The following KLF15 variants were observed in gnomAD, a reference collection of about 807,000 sequenced individuals.
KLF15 encodes the protein Krueppel-like factor 15.
In KLF15, 4 loss-of-function variants were observed where a neutral mutation model predicts 24.6. The observed-to-expected ratio is 0.16, with a 90% CI of 0.08 to 0.37. The LOEUF is 0.37. Ranked by LOEUF, KLF15 falls within the 10% of genes least tolerant of loss-of-function variation. KLF15 has a pLI of 1.00. For synonymous variants in KLF15, 246 were observed against 236.3 expected (o/e 1.04, Z -0.37); for missense variants, 496 against 560.6 (o/e 0.88, Z 1.16).
the KLF15 span, chr3:126,288,899 C>T: frequency 1.3e-5 from 2 of 152,142 alleles, no homozygotes; most frequent in East Asian, 1.9e-4. Flanking sequence ...AAAATCGCAA[C>T]AGGATGTTGA....
At chr3:126,291,932 C>T in the KLF15 span, among the ~76,000 whole-genome samples, 1 of 152,226 alleles carries the variant, frequency 6.6e-6, no homozygotes, top group African/African-American at 2.4e-5. Flanking sequence ...TCCCCGAGTA[C>T]CCACTCAACA....
chr3:126,343,545 G>A lies in KLF15; in HGVS notation c.*182C>T. The A allele has an allele frequency of 1.6e-6, 1 of 607,588 alleles. No individual in the cohort carries two copies. Among genetic ancestry groups the A allele is most frequent in the Non-Finnish European group, 2.8e-6 (1 of 359,518 alleles). 37.6% of individuals were successfully genotyped at this position (607,588 alleles called of 1,614,324 possible). A position where few individuals can be genotyped will look rare whatever the true frequency, so the allele number is the denominator to read the frequency against. On this transcript the variant is annotated 3_prime_UTR_variant, in exon 3 of 3. Transcript: ENST00000296233. Reference sequence around the variant, plus strand: ...CAGCCCCCAGGGACGCGGGTTCGAGGCTCTAAGTACTCCCGAGAAAGGCAG... The same window carrying A: ...CAGCCCCCAGGGACGCGGGTTCGAGACTCTAAGTACTCCCGAGAAAGGCAG...
At chr3:126,290,081 T>C in the KLF15 span, among the ~76,000 whole-genome samples, 2 of 151,970 alleles carry the variant, frequency 1.3e-5, no homozygotes, top group African/African-American at 4.8e-5. Context: ...CTTTTATCTG[T>C]CTCTATCTGC....
At chr3:126,294,442 C>A in the KLF15 span, among the ~76,000 whole-genome samples, 1 of 152,232 alleles carries the variant, frequency 6.6e-6, no homozygotes, top group Admixed American at 6.5e-5. Flanking sequence ...TCGTCTTCGT[C>A]TCTCATTCGT....
chr3:126,344,536 C>G (rs906488555), intron 2 of KLF15, among the ~76,000 whole-genome samples: 2 of 152,348 alleles, frequency 1.3e-5, no homozygotes, highest in Admixed American at 1.3e-4. Flanking sequence ...GCAGGGGTCT[C>G]TGAGGCCACA....
chr3:126,351,694 C>G (rs2082582826), intron 2 of KLF15, 147 bp downstream of exon 2: 2 of 1,017,016 alleles, frequency 2.0e-6, no homozygotes, highest in Admixed American at 6.3e-5. Flanking sequence ...GGCAACTGTG[C>G]CAGCTCTGGG....
At chr3:126,316,540 C>CCGGAGTAGGGGAGGGAGTACACGGGT in the KLF15 span, among the ~76,000 whole-genome samples, 1 of 121,380 alleles carries the variant, frequency 8.2e-6, no homozygotes, top group African/African-American at 3.3e-5. Context: ...AGTACATGGG[C>CCGGAGTAGGGGAGGGAGTACACGGGT]CGGAGTGGGG....
chr3:126,351,542 G>C, intron 2 of KLF15, among the ~76,000 whole-genome samples: 1 of 152,160 alleles, frequency 6.6e-6, no homozygotes, highest in East Asian at 1.9e-4. Flanking sequence ...TTCCTCGCCA[G>C]CCCCTCAATC....
At chr3:126,351,765 G>T in intron 2 of KLF15, 76 bp downstream of exon 2, 30 of 782,598 alleles carry the variant, frequency 3.8e-5, no homozygotes, top group East Asian at 1.1e-4. Context: ...GGTGGAAAAT[G>T]GCCCTGCTGC....
At position 126,356,064 on chromosome 3, in the gene KLF15, T is replaced by TC. The variant is rs1262510981; in HGVS notation, c.-26+1172dup. ...GCCCGGCCAGGCCTGCTGTTTATCC[T>TC]CCCGGGGACACAGCGGCTGCAGGAA... is the stretch of plus-strand genomic sequence containing the variant. On this transcript the variant is annotated intron_variant, in intron 1 of 2. Transcript: ENST00000296233. This position sits in a 1 kb window ranked among gnomAD's most constrained non-coding sequence, Gnocchi z 4.4. Among the ~76,000 whole-genome samples the TC allele has an allele frequency of 1.3e-5, 2 of 152,048 alleles. No individual in the cohort carries two copies. Among genetic ancestry groups the TC allele is most frequent in the Non-Finnish European group, 2.9e-5 (2 of 67,992 alleles).
the KLF15 span, among the ~76,000 whole-genome samples, chr3:126,319,581 G>A: frequency 1.3e-5 from 2 of 152,164 alleles, no homozygotes; most frequent in South Asian, 2.1e-4. Context: ...TTGGCAAAAT[G>A]TCTGTTCAGA....
the KLF15 span, among the ~76,000 whole-genome samples, chr3:126,324,869 T>A: frequency 8.6e-6 from 1 of 116,268 alleles, no homozygotes; most frequent in Non-Finnish European, 1.7e-5. Flanking sequence ...GCAGGTTAGT[T>A]ACATATGTAT....
rs1338209592 is a variant in KLF15, at chr3:126,352,942, T to C, written c.-20A>G. ...CACCATGCTGGCCTGGCCGTGCCGG[T>C]GGCGGCTGCAGGAAAGGAACACAGG... is the stretch of plus-strand genomic sequence containing the variant. On this transcript the variant is annotated 5_prime_UTR_variant, in exon 2 of 3. Transcript: ENST00000296233. The C allele has an allele frequency of 3.2e-6, 5 of 1,576,476 alleles. No individual in the cohort carries two copies. In the African/African-American group the frequency reaches 5.4e-5, roughly 17 times the overall value.
the KLF15 span, among the ~76,000 whole-genome samples, chr3:126,323,461 AACATATATATGT>A: frequency 3.0e-3 from 278 of 93,674 alleles, 5 homozygotes; most frequent in African/African-American, 0.013. Flanking sequence ...ATATATATAT[AACATATATATGT>A]TATATATATA....
chr3:126,345,977 C>G (rs1419456864), intron 2 of KLF15, among the ~76,000 whole-genome samples: 1 of 152,234 alleles, frequency 6.6e-6, no homozygotes, highest in Non-Finnish European at 1.5e-5. Context: ...ACTGACAAGA[C>G]AGGGCCCCTG....
the KLF15 span, among the ~76,000 whole-genome samples, chr3:126,311,513 G>A: frequency 1.3e-5 from 2 of 152,206 alleles, no homozygotes; most frequent in African/African-American, 2.4e-5. Flanking sequence ...GCTTGGGCTT[G>A]AGATGGGACA....
rs1345758725 is a variant in KLF15 at position 126,356,209 on chromosome 3, C to T, written c.-26+1028G>A. Among the ~76,000 whole-genome samples, 1 of 152,164 alleles carries T rather than the reference C, an allele frequency of 6.6e-6. No homozygotes were observed. Among genetic ancestry groups the T allele is most frequent in the Non-Finnish European group, 1.5e-5 (1 of 68,028 alleles). ...AAATAAGAGTCTCCGGTCCCTGAGC[C>T]GCCCGCAGGCCCCAAAGTCGCAGAG... On this transcript the variant is annotated intron_variant, in intron 1 of 2. Coordinates refer to ENST00000296233, the MANE Select transcript of KLF15 (RefSeq NM_014079.4). This position sits in a 1 kb window ranked among gnomAD's most constrained non-coding sequence, Gnocchi z 4.4.
Position 126,356,173 on chromosome 3 carries a change from G to T in KLF15, c.-26+1064C>A, listed in dbSNP as rs2082631108. ...GCAAATCACGGGGGTGGCGGCGGGG[G>T]CTGTCCTTCAAAATAAGAGTCTCCG... On this transcript the variant is annotated intron_variant, in intron 1 of 2. Coordinates refer to ENST00000296233, the MANE Select transcript of KLF15 (RefSeq NM_014079.4). The surrounding 1 kb of genome is among the most constrained non-coding windows in gnomAD (Gnocchi z 4.4). 6.6e-6 allele frequency among the ~76,000 whole-genome samples: 1 copy of T among 152,172 alleles called. No homozygotes were observed. Among genetic ancestry groups the T allele is most frequent in the Non-Finnish European group, 1.5e-5 (1 of 68,028 alleles).
the KLF15 span, among the ~76,000 whole-genome samples, chr3:126,307,917 C>T: frequency 6.6e-6 from 1 of 152,274 alleles, no homozygotes; most frequent in South Asian, 2.1e-4. Flanking sequence ...CTTAGCCCCC[C>T]TTGTCTGGAC....
Sources: gnomAD v4.1 joint callset for allele counts (sites outside exome capture counted in the v4.1 genomes callset) on GRCh38, gnomAD v4.1.1 for gene constraint, Gnocchi (gnomAD v3.1) non-coding constraint, MANE v1.5 for transcripts, NCBI Gene and HGNC (gene_info 2026-07-23, HGNC 2026-07-21) for gene names.